Variants in JAKMIP2 observed in about 807,000 individuals in gnomAD.
JAKMIP2 encodes janus kinase and microtubule-interacting protein 2.
A neutral mutation model predicts 115.0 loss-of-function variants in JAKMIP2; 25 were observed. That is an observed-to-expected ratio of 0.22 (90% confidence interval 0.16 to 0.30). JAKMIP2 has a LOEUF of 0.30. Among genes scored for constraint, JAKMIP2 ranks in the 10% least tolerant of loss-of-function variants. JAKMIP2 has a pLI of 1.00. For missense variants in JAKMIP2, 642 were observed against 957.6 expected (o/e 0.67, Z 4.35); for synonymous variants, 334 against 343.6 (o/e 0.97, Z 0.31).
intron 1 of JAKMIP2, among the ~76,000 whole-genome samples, chr5:147,763,144 C>A (rs1754991133): frequency 1.3e-5 from 2 of 152,076 alleles, no homozygotes; most frequent in African/African-American, 4.8e-5. Context: ...AGTTTGTTCA[C>A]TCCTGAGTTC....
At chr5:147,686,213 T>G (rs1760562268) in intron 1 of JAKMIP2, among the ~76,000 whole-genome samples, 1 of 152,148 alleles carries the variant, frequency 6.6e-6, no homozygotes. Context: ...AAACCTGACT[T>G]AATTGGAATC....
intron 1 of JAKMIP2, among the ~76,000 whole-genome samples, chr5:147,715,628 G>T (rs1032378979): frequency 2.6e-5 from 4 of 151,522 alleles, no homozygotes; most frequent in Non-Finnish European, 4.4e-5. Flanking sequence ...TTCTAAATTT[G>T]TATGTATATA....
chr5:147,611,769 G>A (rs1389131764), intron 20 of JAKMIP2, among the ~76,000 whole-genome samples: 2 of 152,146 alleles, frequency 1.3e-5, no homozygotes, highest in East Asian at 1.9e-4. Flanking sequence ...CCCTCTGTAA[G>A]AGCCATGTTG....
At chr5:147,745,907 T>G (rs1754330708) in intron 1 of JAKMIP2, among the ~76,000 whole-genome samples, 1 of 152,150 alleles carries the variant, frequency 6.6e-6, no homozygotes, top group Non-Finnish European at 1.5e-5. Flanking sequence ...ATAAGTGTAT[T>G]TATATAATGT....
chr5:147,707,418 A>T (rs1422827596), intron 1 of JAKMIP2, among the ~76,000 whole-genome samples: 1 of 152,164 alleles, frequency 6.6e-6, no homozygotes, highest in African/African-American at 2.4e-5. Context: ...TTTCTAGTAC[A>T]TGCTACAATA....
chr5:147,698,946 G>C (rs1752216228), intron 1 of JAKMIP2, among the ~76,000 whole-genome samples: 1 of 152,132 alleles, frequency 6.6e-6, no homozygotes, highest in African/African-American at 2.4e-5. Flanking sequence ...GCTCTGAAAG[G>C]CTCTTCACAG....
chr5:147,588,189 C>G lies in JAKMIP2; in HGVS notation c.*3518G>C, dbSNP rs994361703. 6.6e-6 allele frequency: 1 copy of G among 152,036 alleles called. No individual in the cohort carries two copies. The highest frequency in any genetic ancestry group is 1.5e-5 in the Non-Finnish European group (1 of 68,008). 9.4% of individuals were successfully genotyped at this position (152,036 alleles called of 1,614,324 possible). A position where few individuals can be genotyped will look rare whatever the true frequency, so the allele number is the denominator to read the frequency against. On this transcript the variant is annotated 3_prime_UTR_variant, in exon 22 of 22. Coordinates refer to ENST00000616793, the MANE Select transcript of JAKMIP2 (RefSeq NM_001270941.2). ...TTTTCCCCTCTTTCATGAAATTTTT[C>G]TATCCTGAATAACTATTTAAATTGG... is the stretch of plus-strand genomic sequence containing the variant.
At chr5:147,724,726 C>T (rs1278766732) in intron 1 of JAKMIP2, among the ~76,000 whole-genome samples, 2 of 152,150 alleles carry the variant, frequency 1.3e-5, no homozygotes, top group African/African-American at 4.8e-5. Flanking sequence ...CCCTATCTTC[C>T]TTCACAAAGT....
chr5:147,676,828 C>A (rs1759991837), intron 1 of JAKMIP2, among the ~76,000 whole-genome samples: 1 of 152,194 alleles, frequency 6.6e-6, no homozygotes, highest in African/African-American at 2.4e-5. Context: ...GAATTACAGG[C>A]ATCATTCCTT....
chr5:147,767,362 T>C (rs1296238859), intron 1 of JAKMIP2, among the ~76,000 whole-genome samples: 1 of 152,168 alleles, frequency 6.6e-6, no homozygotes, highest in African/African-American at 2.4e-5. Flanking sequence ...TTGTAGAGAA[T>C]CCATCTCAAC....
intron 1 of JAKMIP2, among the ~76,000 whole-genome samples, chr5:147,729,803 G>T (rs1040056863): frequency 2.0e-5 from 3 of 151,600 alleles, no homozygotes; most frequent in African/African-American, 7.3e-5. Flanking sequence ...TTTGTTCTGT[G>T]AAATATTTAT....
chr5:147,667,062 G>A (rs912819999), intron 2 of JAKMIP2, among the ~76,000 whole-genome samples: 6 of 152,106 alleles, frequency 3.9e-5, no homozygotes, highest in African/African-American at 4.8e-5. Context: ...AGAAAGAGAT[G>A]TTCAAAGATA....
At chr5:147,695,677 T>TGA (rs10687365) in intron 1 of JAKMIP2, among the ~76,000 whole-genome samples, 23,422 of 146,958 alleles carry the variant, frequency 0.16, 2,126 homozygotes, top group African/African-American at 0.25. Flanking sequence ...TGTGTGTGTG[T>TGA]GAGAGAGAGA....
Position 147,782,685 on chromosome 5 carries a change from A to T in JAKMIP2, c.-378T>A, listed in dbSNP as rs1010102016. 2.0e-5 allele frequency: 13 copies of T among 654,950 alleles called. No homozygotes were observed. Among genetic ancestry groups the T allele is most frequent in the African/African-American group, 1.8e-4 (10 of 55,698 alleles). 40.6% of individuals were successfully genotyped at this position (654,950 alleles called of 1,614,324 possible). A position where few individuals can be genotyped will look rare whatever the true frequency, so the allele number is the denominator to read the frequency against. On this transcript the variant is annotated 5_prime_UTR_variant, in exon 1 of 22. It removes an upstream start codon present in the reference 5' UTR. Transcript: ENST00000616793. ...CGGCGGCAGCAGCAGCAGCAGCAGC[A>T]TCACCAGTTGGGCCTCCTCCCTCTC...
chr5:147,637,436 GAT>G (rs1491347794), intron 10 of JAKMIP2, among the ~76,000 whole-genome samples: 2 of 74,040 alleles, frequency 2.7e-5, no homozygotes, highest in East Asian at 8.3e-4. Flanking sequence ...AAATTCTTTT[GAT>G]TTTTTTTTTT....
intron 20 of JAKMIP2, among the ~76,000 whole-genome samples, chr5:147,610,580 A>T (rs139459933): frequency 6.6e-6 from 1 of 152,278 alleles, no homozygotes; most frequent in Non-Finnish European, 1.5e-5. Context: ...GGCACACGTC[A>T]GATGCCAGCC....
At chr5:147,648,111 C>G (rs1203148332) in intron 5 of JAKMIP2, among the ~76,000 whole-genome samples, 1 of 152,038 alleles carries the variant, frequency 6.6e-6, no homozygotes, top group Non-Finnish European at 1.5e-5. Flanking sequence ...ACATCTATGG[C>G]GATTGAAGTC....
intron 1 of JAKMIP2, among the ~76,000 whole-genome samples, chr5:147,770,413 T>C (rs1454853955): frequency 1.3e-5 from 2 of 152,050 alleles, no homozygotes; most frequent in African/African-American, 4.8e-5. Context: ...GACAATAGGA[T>C]CCAGGCTGTC....
At chr5:147,657,115 T>A (rs562726805) in intron 3 of JAKMIP2, among the ~76,000 whole-genome samples, 17 of 152,036 alleles carry the variant, frequency 1.1e-4, no homozygotes, top group Non-Finnish European at 2.4e-4. Context: ...TCATCTCTAC[T>A]AAAAATACAA....
Sources: allele counts gnomAD v4.1 joint callset (sites outside exome capture counted in the v4.1 genomes callset), GRCh38; gene constraint gnomAD v4.1.1; transcripts MANE v1.5; gene names NCBI Gene and HGNC (gene_info 2026-07-23, HGNC 2026-07-21).